The following WDFY4 variants were observed in gnomAD, a reference collection of about 807,000 sequenced individuals.
WDFY4 encodes WDFY family member 4.
WDFY4 carries 169 observed loss-of-function variants against 351.9 expected under a neutral mutation model. The observed-to-expected ratio is 0.48, with a 90% CI of 0.42 to 0.55. WDFY4 has a LOEUF of 0.55. WDFY4 is among the 20% of genes least tolerant of loss of function. The pLI, the probability that WDFY4 is intolerant of heterozygous loss-of-function variation, is 0.00. For synonymous variants in WDFY4, 1,622 were observed against 1,574.6 expected, an observed-to-expected ratio of 1.03 and a Z score of -0.71; for missense variants, 3,803 against 3,935.6, an observed-to-expected ratio of 0.97 and a Z score of 0.90.
At chr10:48,793,319 C>T (rs2132763851) in intron 23 of WDFY4, among the ~76,000 whole-genome samples, 1 of 152,226 alleles carries the variant, frequency 6.6e-6, no homozygotes, top group Non-Finnish European at 1.5e-5. Context: ...TTATTGTACA[C>T]TTACACATGA....
chr10:48,887,518 C>T (rs2070510206), intron 43 of WDFY4, among the ~76,000 whole-genome samples: 1 of 152,196 alleles, frequency 6.6e-6, no homozygotes, highest in African/African-American at 2.4e-5. Context: ...GTGGCTCACG[C>T]CCGTAATCCC....
rs771948214 is a variant in WDFY4, at chr10:48,814,111, G to T, written c.5340+29G>T. On this transcript the variant is annotated intron_variant, in intron 31 of 61. Transcript: ENST00000325239. ...AGACCCATTCCCCACATGCTGCCCC[G>T]AGGAGGTTCTGATGGGAAGGCCAGT... 41 of 1,504,102 alleles carry T rather than the reference G, an allele frequency of 2.7e-5. No individual in the cohort carries two copies. In the South Asian group the frequency reaches 5.0e-4, roughly 18 times the overall value. The allele number at this position is 1,504,102 out of a possible 1,614,324, so 93.2% of individuals were successfully genotyped here. A position where few individuals can be genotyped will look rare whatever the true frequency, so the allele number is the denominator to read the frequency against.
chr10:48,814,518 G>C (rs2067558133), intron 31 of WDFY4, among the ~76,000 whole-genome samples: 1 of 152,190 alleles, frequency 6.6e-6, no homozygotes, highest in Admixed American at 6.5e-5. Context: ...CCTTTAATTT[G>C]AGCCTTCAAG....
chr10:48,766,402 A>C (rs1396952990), intron 13 of WDFY4, among the ~76,000 whole-genome samples: 1 of 152,176 alleles, frequency 6.6e-6, no homozygotes, highest in Admixed American at 6.5e-5. Flanking sequence ...ACCAGCTTAG[A>C]CAACAGCAAA....
intron 9 of WDFY4, among the ~76,000 whole-genome samples, chr10:48,731,908 C>T (rs954723314): frequency 6.6e-6 from 1 of 152,134 alleles, no homozygotes; most frequent in Non-Finnish European, 1.5e-5. Context: ...GTTTGGGGGC[C>T]CTCCTGGGGT....
intron 15 of WDFY4, 87 bp downstream of exon 15, chr10:48,775,893 G>A: frequency 8.0e-7 from 1 of 1,253,792 alleles, no homozygotes; most frequent in Non-Finnish European, 1.1e-6. Flanking sequence ...CAACAGGTGG[G>A]AAAGCAAACA....
chr10:48,955,222 T>C (rs924551733), intron 51 of WDFY4, among the ~76,000 whole-genome samples: 2 of 152,210 alleles, frequency 1.3e-5, no homozygotes, highest in Non-Finnish European at 2.9e-5. Context: ...CAATTTAAAT[T>C]TGATGGTGGA....
intron 60 of WDFY4, among the ~76,000 whole-genome samples, chr10:48,981,007 AC>A (rs1484857368): frequency 6.6e-6 from 1 of 152,240 alleles, no homozygotes; most frequent in Non-Finnish European, 1.5e-5. Flanking sequence ...GCTGCATTAC[AC>A]CCTGGCAGCA....
chr10:48,834,924 T>A (rs1380044068), intron 39 of WDFY4, among the ~76,000 whole-genome samples: 1 of 152,212 alleles, frequency 6.6e-6, no homozygotes, highest in South Asian at 2.1e-4. Flanking sequence ...TAGGGCCACA[T>A]AGGTGTCCCA....
intron 1 of WDFY4, among the ~76,000 whole-genome samples, chr10:48,707,702 T>C (rs1202312551): frequency 2.6e-5 from 4 of 152,294 alleles, no homozygotes; most frequent in African/African-American, 9.6e-5. Context: ...CTTAAGTGTA[T>C]GTGGATGGAA....
rs57927796 is a variant in WDFY4 at position 48,946,991 on chromosome 10, T to TACACACACACAC, written c.7977+40_7977+51dup. The TACACACACACAC allele has an allele frequency of 6.9e-5, 76 of 1,100,338 alleles. No individual in the cohort carries two copies. The African/African-American group carries it at 9.4e-4, about 14-fold the overall frequency. 68.2% of individuals were successfully genotyped at this position (1,100,338 alleles called of 1,614,324 possible). ...GCAGGTGAGCTGCTGCCACTCTCTG[T>TACACACACACAC]ACACACACACACACACACACACACA... On this transcript the variant is annotated intron_variant, in intron 51 of 61. Coordinates refer to ENST00000325239, the MANE Select transcript of WDFY4 (RefSeq NM_001394531.1).
intron 51 of WDFY4, among the ~76,000 whole-genome samples, chr10:48,947,704 TCA>T (rs1395400842): frequency 2.0e-5 from 3 of 152,106 alleles, no homozygotes; most frequent in African/African-American, 7.2e-5. Flanking sequence ...CCTCTTCCCC[TCA>T]CAACCCTATC....
rs1433161043 is a variant in WDFY4 at position 48,743,296 on chromosome 10, A to T, written c.2207A>T (p.Asp736Val). 2 of 1,551,578 alleles carry T rather than the reference A, an allele frequency of 1.3e-6. No homozygotes were observed. The highest frequency in any genetic ancestry group is 1.7e-6 in the Non-Finnish European group (2 of 1,146,990). Residue 736 changes from aspartate to valine, a missense_variant, in exon 12 of 62, where the codon GAC becomes GTC. Coordinates refer to ENST00000325239, the MANE Select transcript of WDFY4 (RefSeq NM_001394531.1). The stretch of plus-strand genomic sequence containing the variant: ...GGCAACCTGCTGCGCTCTTGGGTGG[A>T]CACAAAGGCCAGGCCATTTGCAGAT... ...EEGNLLRSWV[D>V]TKARPFADLL...
intron 1 of WDFY4, among the ~76,000 whole-genome samples, chr10:48,691,178 C>T (rs557781579): frequency 3.3e-5 from 5 of 152,254 alleles, no homozygotes; most frequent in African/African-American, 1.2e-4. Flanking sequence ...GTTGCCAAGG[C>T]TGTCAGGACC....
chr10:48,786,716 T>C lies in WDFY4; in HGVS notation c.3654T>C (p.Ile1218=), dbSNP rs1374337209. 1 of 1,552,350 alleles carries C rather than the reference T, an allele frequency of 6.4e-7. No individual in the cohort carries two copies. Among genetic ancestry groups the C allele is most frequent in the Non-Finnish European group, 8.7e-7 (1 of 1,147,132 alleles). Reference sequence around the variant, plus strand: ...CATTTGTGGATGTTTATGGATATATTGCTACTCCTCGAGTCTGGAAACAAA... The same window carrying C: ...CATTTGTGGATGTTTATGGATATATCGCTACTCCTCGAGTCTGGAAACAAA... ...PSAFVDVYGY[I]ATPRVWKQKS... is the part of the protein sequence containing the mutation. The change falls in exon 20 of 62, where the codon ATT becomes ATC. Residue 1218 remains isoleucine, a synonymous_variant. Coordinates refer to ENST00000325239, the MANE Select transcript of WDFY4 (RefSeq NM_001394531.1).
At chr10:48,789,220 T>A (rs2132731024) in intron 21 of WDFY4, among the ~76,000 whole-genome samples, 1 of 152,302 alleles carries the variant, frequency 6.6e-6, no homozygotes, top group Non-Finnish European at 1.5e-5. Flanking sequence ...AACAGTAAAT[T>A]TTCAAAACAA....
rs542558497 is a variant in WDFY4 at position 48,743,514 on chromosome 10, C to A, written c.2425C>A (p.Arg809Ser). Residue 809 changes from arginine to serine, a missense_variant, in exon 12 of 62, where the codon CGC becomes AGC. Arg to Ser is a moderately radical substitution (Grantham distance 110). This residue lies in a region of WDFY4 where 3,054 missense variants were observed against 3,148.6 expected (regional missense o/e 0.97). Transcript: ENST00000325239. ...QKGETGSDPQ[R>S]NFKQWPDLEE... The stretch of plus-strand genomic sequence containing the variant: ...GGGAGAAACTGGCAGTGACCCCCAA[C>A]GCAACTTCAAGCAGTGGCCAGACCT... The A allele has an allele frequency of 3.1e-5, 47 of 1,539,320 alleles. No individual in the cohort carries two copies. Among genetic ancestry groups the A allele is most frequent in the Non-Finnish European group, 4.1e-5 (47 of 1,146,172 alleles).
chr10:48,839,296 G>A (rs1299072083), intron 39 of WDFY4, among the ~76,000 whole-genome samples: 1 of 152,222 alleles, frequency 6.6e-6, no homozygotes, highest in South Asian at 2.1e-4. Context: ...CTGAAAAAGA[G>A]TTAAAGATCT....
intron 47 of WDFY4, among the ~76,000 whole-genome samples, chr10:48,918,857 A>C (rs970686970): frequency 6.6e-6 from 1 of 152,230 alleles, no homozygotes; most frequent in Non-Finnish European, 1.5e-5. Context: ...ATAGCTGCCC[A>C]CTAGTTGTAA....
Sources: gnomAD v4.1 joint callset for allele counts (sites outside exome capture counted in the v4.1 genomes callset) on GRCh38, gnomAD v4.1.1 for gene constraint, gnomAD v4.1.1 regional missense constraint, MANE v1.5 for transcripts, NCBI Gene and HGNC (gene_info 2026-07-23, HGNC 2026-07-21) for gene names.